STOX2: variants seen among roughly 807,000 people sequenced by gnomAD.
The protein encoded by STOX2 is storkhead box 2, also known as storkhead-box protein 2.
STOX2 carries 28 observed loss-of-function variants against 60.9 expected under a neutral mutation model. That is an observed-to-expected ratio of 0.46 (90% CI 0.34 to 0.63). The LOEUF is 0.63. Among genes scored for constraint, STOX2 ranks in the 30% least tolerant of loss-of-function variants. STOX2 has a pLI of 0.01. For missense variants in STOX2, 1,024 were observed against 1,187.7 expected, an observed-to-expected ratio of 0.86 and a Z score of 2.03; for synonymous variants, 472 against 463.9, an observed-to-expected ratio of 1.02 and a Z score of -0.22.
At chr4:183,982,476 G>C (rs149535634) in intron 1 of STOX2, among the ~76,000 whole-genome samples, 1 of 152,266 alleles carries the variant, frequency 6.6e-6, no homozygotes, top group Non-Finnish European at 1.5e-5. Context: ...CTTTTGTTGA[G>C]TTTTTAATTT....
intron 1 of STOX2, among the ~76,000 whole-genome samples, chr4:183,811,457 C>T (rs1156799538): frequency 6.6e-6 from 1 of 152,172 alleles, no homozygotes; most frequent in African/African-American, 2.4e-5. Flanking sequence ...GTATGAAGCG[C>T]CATGCTGTTC....
At chr4:183,958,272 G>A (rs1416424755) in intron 1 of STOX2, among the ~76,000 whole-genome samples, 3 of 152,094 alleles carry the variant, frequency 2.0e-5, no homozygotes, top group African/African-American at 4.8e-5. Flanking sequence ...TTCAGTGGAC[G>A]GAGCTAGGAG....
intron 1 of STOX2, among the ~76,000 whole-genome samples, chr4:183,960,595 T>G (rs931988344): frequency 6.6e-6 from 1 of 152,200 alleles, no homozygotes; most frequent in Non-Finnish European, 1.5e-5. Context: ...GGTGGATAAA[T>G]GATACATTAA....
chr4:184,007,177 A>C (rs1437332501), intron 2 of STOX2, among the ~76,000 whole-genome samples: 1 of 152,218 alleles, frequency 6.6e-6, no homozygotes, highest in African/African-American at 2.4e-5. Context: ...ATTATCTATG[A>C]ACAATGCTAC....
rs73008359 is a variant in STOX2, at chr4:183,983,837, T to C, written c.167-17488T>C. Among the ~76,000 whole-genome samples the C allele has an allele frequency of 3.3e-3, 498 of 152,348 alleles. 3 individuals carry two copies. Among genetic ancestry groups the C allele is most frequent in the African/African-American group, 0.011 (473 of 41,576 alleles). ...TCTTGCTCTCTTTCCCAGGCTGAAG[T>C]GCAGTGGTGCAATCATAGCTCACTG... On this transcript the variant is annotated intron_variant, in intron 1 of 3. Transcript: ENST00000308497.
At position 183,935,561 on chromosome 4, in the gene STOX2, A is replaced by G. The variant is rs1353742872; in HGVS notation, c.166+28605A>G. On this transcript the variant is annotated intron_variant, in intron 1 of 3. Coordinates refer to ENST00000308497, the MANE Select transcript of STOX2 (RefSeq NM_020225.3). ...GGGCCCAGGGGCCCAGCAGTTTGGT[A>G]GTGTGGGGAAATTGAACTGAACTTT... Among the ~76,000 whole-genome samples the G allele has an allele frequency of 2.6e-5, 4 of 152,232 alleles. 1 individual carries two copies. The South Asian group carries it at 6.2e-4, about 24-fold the overall frequency.
At chr4:183,843,135 G>T (rs113578142) in intron 1 of STOX2, among the ~76,000 whole-genome samples, 24 of 134,130 alleles carry the variant, frequency 1.8e-4, no homozygotes, top group African/African-American at 7.0e-4. Flanking sequence ...GAGACAGAGC[G>T]AGACTCCATC....
chr4:183,970,182 G>GT (rs1560911416), intron 1 of STOX2, among the ~76,000 whole-genome samples: 6,567 of 133,956 alleles, frequency 0.049, 567 homozygotes, highest in African/African-American at 0.18. Flanking sequence ...GTGTGTGTGT[G>GT]GGGTTCCAGC....
In STOX2 at chr4:183,821,209, G is replaced by A. The variant is rs192344824; in HGVS notation, c.364+23154G>A. Among the ~76,000 whole-genome samples the A allele has an allele frequency of 5.9e-5, 9 of 152,282 alleles. No individual in the cohort carries two copies. The East Asian group carries it at 1.7e-3, about 29-fold the overall frequency. ...TGATGCCAATCTAATATAGCATAAC[G>A]ACTTAATTTTGCTCTTGAATTGTAC... On this transcript the variant is annotated intron_variant, in intron 1 of 2. Coordinates refer to the STOX2 transcript ENST00000513034. The surrounding 1 kb of genome is among the most constrained non-coding windows in gnomAD (Gnocchi z 4.2).
chr4:183,847,529 C>T (rs556689814), intron 1 of STOX2, among the ~76,000 whole-genome samples: 1 of 152,240 alleles, frequency 6.6e-6, no homozygotes, highest in East Asian at 1.9e-4. Flanking sequence ...TTCAGAGCCA[C>T]CAGACAGGTT....
intron 1 of STOX2, among the ~76,000 whole-genome samples, chr4:183,911,388 C>A (rs761673061): frequency 1.3e-5 from 2 of 152,080 alleles, no homozygotes; most frequent in Non-Finnish European, 2.9e-5. Flanking sequence ...CTGTCACGTC[C>A]CTTTCCCTCT....
intron 1 of STOX2, among the ~76,000 whole-genome samples, chr4:183,973,334 C>T (rs1336136849): frequency 6.6e-6 from 1 of 152,128 alleles, no homozygotes; most frequent in African/African-American, 2.4e-5. Context: ...AAAAATGCTA[C>T]ATAACATATA....
chr4:183,998,471 A>G (rs1733442373), intron 1 of STOX2, among the ~76,000 whole-genome samples: 1 of 152,148 alleles, frequency 6.6e-6, no homozygotes, highest in Admixed American at 6.5e-5. Context: ...GCAGAGTCAA[A>G]CAGGTGAACT....
chr4:183,863,310 T>C (rs1483821307), intron 1 of STOX2, among the ~76,000 whole-genome samples: 2 of 152,196 alleles, frequency 1.3e-5, no homozygotes, highest in Non-Finnish European at 2.9e-5. Flanking sequence ...GCCATGTCCA[T>C]TGACATCTCA....
Position 184,017,335 on chromosome 4 carries a change from G to A in STOX2, c.*51G>A, listed in dbSNP as rs1195594802. On this transcript the variant is annotated 3_prime_UTR_variant, in exon 4 of 4. Coordinates refer to ENST00000308497, the MANE Select transcript of STOX2 (RefSeq NM_020225.3). Reference sequence around the variant, plus strand: ...TCTCATTCGATACAGCAAAGTTTACGACACTGGGACTGATGTTTACATCTT... The same window carrying A: ...TCTCATTCGATACAGCAAAGTTTACAACACTGGGACTGATGTTTACATCTT... 1.3e-5 allele frequency: 19 copies of A among 1,441,092 alleles called. No homozygotes were observed. The highest frequency in any genetic ancestry group is 7.2e-5 in the Admixed American group (3 of 41,498). 89.3% of individuals were successfully genotyped at this position (1,441,092 alleles called of 1,614,324 possible). A position where few individuals can be genotyped will look rare whatever the true frequency, so the allele number is the denominator to read the frequency against.
intron 1 of STOX2, among the ~76,000 whole-genome samples, chr4:183,980,238 T>A (rs770411101): frequency 3.9e-5 from 6 of 152,210 alleles, no homozygotes; most frequent in Non-Finnish European, 7.3e-5. Context: ...AGGATGAGGC[T>A]AATGTACATT....
In STOX2 at chr4:183,805,850, G is replaced by A. The variant is rs372310100; in HGVS notation, c.364+7795G>A. Reference sequence around the variant, plus strand: ...AAGTAAAAATAAAAATCACACTGGCGTGGGATGAGCTGGCTTAAACAGCTC... The same window carrying A: ...AAGTAAAAATAAAAATCACACTGGCATGGGATGAGCTGGCTTAAACAGCTC... On this transcript the variant is annotated intron_variant, in intron 1 of 2. Coordinates refer to the STOX2 transcript ENST00000513034. Among the ~76,000 whole-genome samples the A allele has an allele frequency of 3.4e-4, 52 of 152,296 alleles. No individual in the cohort carries two copies. The South Asian group carries it at 9.5e-3, about 28-fold the overall frequency.
rs567749073 is a variant in STOX2 at position 183,846,954 on chromosome 4, T to C, written c.364+48899T>C. On this transcript the variant is annotated intron_variant, in intron 1 of 2. Coordinates refer to the STOX2 transcript ENST00000513034. ...GTTGCTGTTTCTTTGTTTAGTGACT[T>C]TTAGAAACTAATTTTGTTAAGTTCT... is the stretch of plus-strand genomic sequence containing the variant. Among the ~76,000 whole-genome samples, 88 of 152,336 alleles carry C rather than the reference T, an allele frequency of 5.8e-4. No individual in the cohort carries two copies. In the Middle Eastern group the frequency reaches 0.014, roughly 24 times the overall value.
At chr4:183,887,156 C>T (rs539389210) in intron 1 of STOX2, among the ~76,000 whole-genome samples, 128 of 151,996 alleles carry the variant, frequency 8.4e-4, no homozygotes, top group African/African-American at 2.7e-3. Context: ...CCCAGCTACT[C>T]GGGAGGCTGA....
Sources: gnomAD v4.1 joint callset for allele counts (sites outside exome capture counted in the v4.1 genomes callset) on GRCh38, gnomAD v4.1.1 for gene constraint, Gnocchi (gnomAD v3.1) non-coding constraint, MANE v1.5 for transcripts, NCBI Gene and HGNC (gene_info 2026-07-23, HGNC 2026-07-21) for gene names.